ANXA11: variants seen among roughly 807,000 people sequenced by gnomAD.
ANXA11 encodes the protein 56 kDa autoantigen.
Under a neutral mutation model 64.7 loss-of-function variants are expected in ANXA11, and 57 were observed. The observed-to-expected ratio is 0.88, with a 90% confidence interval of 0.71 to 1.10. The LOEUF (loss-of-function observed/expected upper bound fraction) is 1.10. Among genes scored for constraint, ANXA11 ranks in the 50% least tolerant of loss-of-function variants. The pLI, the probability that ANXA11 is intolerant of heterozygous loss-of-function variation, is 0.00. For synonymous variants in ANXA11, 260 were observed against 265.2 expected (o/e 0.98, Z 0.19); for missense variants, 675 against 670.7 (o/e 1.01, Z -0.07).
Position 80,167,249 on chromosome 10 carries a change from AGG to A in ANXA11, c.624_625del (p.Leu209AlafsTer11). 1 of 1,614,186 alleles carries A rather than the reference AGG, an allele frequency of 6.2e-7. No individual in the cohort carries two copies. On this transcript the variant is annotated frameshift_variant, in exon 6 of 16. Coordinates refer to ENST00000422982, the MANE Select transcript of ANXA11 (RefSeq NM_145868.2). LOFTEE classifies it high-confidence loss of function. ...ACCGAAGCCTTTCATGGCCTTCCGC[AGG>A]ACCTCGGCATCTCGCAGGGGGTCAA...
At chr10:80,171,018 A>G in intron 3 of ANXA11, 103 bp from the exon 4 acceptor site, 3 of 1,510,110 alleles carry the variant, frequency 2.0e-6, no homozygotes, top group Non-Finnish European at 2.7e-6. Flanking sequence ...GGCCCAGTAA[A>G]GCCTCGAGCC....
chr10:80,166,295 A>C, intron 7 of ANXA11, 98 bp from the exon 8 acceptor site: 1 of 691,086 alleles, frequency 1.4e-6, no homozygotes, highest in Non-Finnish European at 2.5e-6. Context: ...CCCAGATTTG[A>C]GGAACAGCAG....
intron 1 of ANXA11, among the ~76,000 whole-genome samples, chr10:80,194,693 T>C (rs1179881955): frequency 2.6e-5 from 4 of 152,310 alleles, no homozygotes; most frequent in Non-Finnish European, 5.9e-5. Context: ...GTGGTTTGCA[T>C]GCTGCCTCCC....
At chr10:80,158,459 C>T (rs1845368057) in intron 13 of ANXA11, among the ~76,000 whole-genome samples, 1 of 152,148 alleles carries the variant, frequency 6.6e-6, no homozygotes, top group Non-Finnish European at 1.5e-5. Context: ...ATGAGACCTA[C>T]TATGGGGGAC....
rs1326522953 is a variant in ANXA11, at chr10:80,200,093, C to A, written c.-58+5250G>T. 2.0e-5 allele frequency among the ~76,000 whole-genome samples: 3 copies of A among 152,098 alleles called. No homozygotes were observed. In the East Asian group the frequency reaches 5.8e-4, roughly 29 times the overall value. On this transcript the variant is annotated intron_variant, in intron 1 of 15. Transcript: ENST00000422982. ...AATTGCAAAGTGAGAGAAGAGGTTCCCAGGCAACGTCCCAGGAGTTTGCAC... is the reference window on the plus strand; with the variant it reads ...AATTGCAAAGTGAGAGAAGAGGTTCACAGGCAACGTCCCAGGAGTTTGCAC...
In ANXA11 at chr10:80,150,984, C is replaced by A. The variant is rs558140916; in HGVS notation, c.*4869G>T. On this transcript the variant is annotated 3_prime_UTR_variant, in exon 16 of 16. Transcript: ENST00000422982. ...TTCCCATAAATTTGAGTTTTTGCCA[C>A]CTTATTTGCTGCTTTTGTGGAAGGA... 1.3e-5 allele frequency: 2 copies of A among 152,174 alleles called. No homozygotes were observed. The highest frequency in any genetic ancestry group is 4.8e-5 in the African/African-American group (2 of 41,450). The allele number at this position is 152,174 out of a possible 1,614,324, so 9.4% of individuals were successfully genotyped here.
chr10:80,176,793 C>T (rs1022567907), intron 1 of ANXA11, among the ~76,000 whole-genome samples: 1 of 152,172 alleles, frequency 6.6e-6, no homozygotes. Context: ...CAAAATCTGC[C>T]TCCTGGCTAG....
At chr10:80,159,492 C>G (rs1390011927) in intron 12 of ANXA11, among the ~76,000 whole-genome samples, 7 of 152,166 alleles carry the variant, frequency 4.6e-5, no homozygotes, top group Non-Finnish European at 8.8e-5. Flanking sequence ...ACCGGCACCC[C>G]ACTCTTGGAT....
chr10:80,196,936 T>A (rs1306281064), intron 1 of ANXA11, among the ~76,000 whole-genome samples: 1 of 152,146 alleles, frequency 6.6e-6, no homozygotes, highest in Non-Finnish European at 1.5e-5. Flanking sequence ...GTCCGGAGCC[T>A]CACCAAGGGG....
At chr10:80,188,424 A>G (rs1846628186) in intron 1 of ANXA11, among the ~76,000 whole-genome samples, 1 of 150,068 alleles carries the variant, frequency 6.7e-6, no homozygotes, top group Non-Finnish European at 1.5e-5. Context: ...CTCACCTGTG[A>G]AAAGAGGAAA....
chr10:80,180,922 A>T (rs1282224126), intron 1 of ANXA11: 1 of 152,222 alleles, frequency 6.6e-6, no homozygotes, highest in Non-Finnish European at 1.5e-5. Flanking sequence ...TTACAAAAGT[A>T]TAACATGCTC....
intron 1 of ANXA11, among the ~76,000 whole-genome samples, chr10:80,189,929 T>C (rs9645553): frequency 0.2 from 30,327 of 152,154 alleles, 3,343 homozygotes; most frequent in Non-Finnish European, 0.25. Context: ...AGAATATCAT[T>C]CAGCCTCAAA....
At chr10:80,188,819 G>A (rs973164481) in intron 1 of ANXA11, among the ~76,000 whole-genome samples, 1 of 152,178 alleles carries the variant, frequency 6.6e-6, no homozygotes, top group Non-Finnish European at 1.5e-5. Flanking sequence ...GACATTTCGA[G>A]AGGGAGAAAA....
intron 12 of ANXA11, among the ~76,000 whole-genome samples, 172 bp from the exon 13 acceptor site, chr10:80,159,367 C>T (rs1845414498): frequency 6.6e-6 from 1 of 152,150 alleles, no homozygotes; most frequent in Non-Finnish European, 1.5e-5. Context: ...TCCAATTCGC[C>T]TGGTCTCCTT....
chr10:80,197,028 A>C (rs1840201376), intron 1 of ANXA11, among the ~76,000 whole-genome samples: 1 of 152,236 alleles, frequency 6.6e-6, no homozygotes, highest in African/African-American at 2.4e-5. Flanking sequence ...GGATTACATA[A>C]GAATCCTAAA....
intron 1 of ANXA11, among the ~76,000 whole-genome samples, chr10:80,180,668 T>C (rs1240665055): frequency 1.3e-5 from 2 of 151,508 alleles, no homozygotes; most frequent in Admixed American, 1.3e-4. Context: ...TAACATTAGA[T>C]CCTTAACCTG....
chr10:80,196,925 C>T (rs530043881), intron 1 of ANXA11, among the ~76,000 whole-genome samples: 14 of 152,166 alleles, frequency 9.2e-5, no homozygotes, highest in Non-Finnish European at 1.6e-4. Context: ...AGAGTGGCAG[C>T]GTCCGGAGCC....
chr10:80,168,151 C>T (rs925721243), intron 5 of ANXA11, among the ~76,000 whole-genome samples: 12 of 134,158 alleles, frequency 8.9e-5, no homozygotes, highest in African/African-American at 1.9e-4. Flanking sequence ...TCTGCAAACA[C>T]GAACTGTTCT....
At chr10:80,167,739 A>G (rs996676301) in intron 5 of ANXA11, among the ~76,000 whole-genome samples, 18 of 152,182 alleles carry the variant, frequency 1.2e-4, no homozygotes, top group African/African-American at 4.3e-4. Flanking sequence ...TGTCCCCTCC[A>G]GTGGATGCAG....
Sources: allele counts gnomAD v4.1 joint callset (sites outside exome capture counted in the v4.1 genomes callset), GRCh38; gene constraint gnomAD v4.1.1; transcripts MANE v1.5; gene names NCBI Gene and HGNC (gene_info 2026-07-23, HGNC 2026-07-21).